Variants in SYT9 observed in about 807,000 individuals in gnomAD.
The protein encoded by SYT9 is synaptotagmin-9.
Under a neutral mutation model 48.4 loss-of-function variants are expected in SYT9, and 22 were observed. That is an observed-to-expected ratio of 0.45 (90% CI 0.32 to 0.65). SYT9 has a LOEUF of 0.65. SYT9 is among the 30% of genes least tolerant of loss of function. SYT9 has a pLI of 0.03. For synonymous variants in SYT9, 265 were observed against 245.0 expected (o/e 1.08, Z -0.76); for missense variants, 577 against 622.0 (o/e 0.93, Z 0.77).
intron 1 of SYT9, among the ~76,000 whole-genome samples, chr11:7,285,467 A>G (rs964070599): frequency 6.6e-6 from 1 of 152,184 alleles, no homozygotes; most frequent in African/African-American, 2.4e-5. Context: ...AGTCCCTCCC[A>G]TGACACATGG....
chr11:7,349,382 A>AACACACACAT (rs1554910614), intron 3 of SYT9, among the ~76,000 whole-genome samples: 1 of 148,160 alleles, frequency 6.7e-6, no homozygotes, highest in Non-Finnish European at 1.5e-5. Context: ...AAAATATACA[A>AACACACACAT]ACACACACAC....
intron 6 of SYT9, among the ~76,000 whole-genome samples, chr11:7,433,244 G>A (rs1302710038): frequency 6.6e-6 from 1 of 152,140 alleles, no homozygotes; most frequent in East Asian, 1.9e-4. Flanking sequence ...CATGCTTCCT[G>A]TATAGCCTGC....
chr11:7,281,821 C>G (rs79714630), intron 1 of SYT9, among the ~76,000 whole-genome samples: 145 of 152,276 alleles, frequency 9.5e-4, no homozygotes, highest in Non-Finnish European at 1.9e-3. Context: ...ATTATTTTCT[C>G]TCTTCCTGTT....
chr11:7,324,653 T>C (rs1849396031), intron 3 of SYT9, among the ~76,000 whole-genome samples: 1 of 151,980 alleles, frequency 6.6e-6, no homozygotes, highest in Non-Finnish European at 1.5e-5. Flanking sequence ...CTTTGGTCTA[T>C]ATATTGTTTA....
In SYT9 at chr11:7,445,774, G is replaced by A. The variant is rs116502247; in HGVS notation, c.1468-21018G>A. Among the ~76,000 whole-genome samples the A allele has an allele frequency of 9.2e-3, 1,406 of 152,284 alleles. 20 individuals carry two copies. The highest frequency in any genetic ancestry group is 0.032 in the African/African-American group (1,338 of 41,550). On this transcript the variant is annotated intron_variant, in intron 6 of 6. Coordinates refer to ENST00000318881, the MANE Select transcript of SYT9 (RefSeq NM_175733.4). ...GGGAGGCAATTTTTCTAATAGACAG[G>A]AGTCTTGGGCTGAATCCTCTTCAGA...
chr11:7,280,018 T>G (rs1244896545), intron 1 of SYT9, among the ~76,000 whole-genome samples: 1 of 152,248 alleles, frequency 6.6e-6, no homozygotes, highest in Non-Finnish European at 1.5e-5. Context: ...CACAATTCCT[T>G]GAGAAACTCA....
At chr11:7,359,901 G>A (rs1356169931) in intron 3 of SYT9, among the ~76,000 whole-genome samples, 2 of 151,980 alleles carry the variant, frequency 1.3e-5, no homozygotes, top group Non-Finnish European at 2.9e-5. Flanking sequence ...ATTGCTTTTG[G>A]TGTTTTAGAC....
rs1318436246 is a variant in SYT9 at position 7,246,391 on chromosome 11, G to C, written c.49+7475G>C. ...GACCTGGAAGGCTTCCTGAGTCACA[G>C]GGGACTTCCTCTGTCATGCTTTCTG... On this transcript the variant is annotated intron_variant and NMD_transcript_variant, in intron 1 of 8. Transcript: ENST00000524820. Among the ~76,000 whole-genome samples the C allele has an allele frequency of 2.0e-5, 3 of 152,178 alleles. 1 individual carries two copies. The highest frequency in any genetic ancestry group is 4.1e-4 in the South Asian group (2 of 4,826).
In SYT9 at chr11:7,466,883, CA is replaced by C; in HGVS notation, c.*85del. The C allele has an allele frequency of 9.2e-6, 14 of 1,529,128 alleles. No individual in the cohort carries two copies. The highest frequency in any genetic ancestry group is 1.3e-5 in the Non-Finnish European group (14 of 1,112,548). 94.7% of individuals were successfully genotyped at this position (1,529,128 alleles called of 1,614,324 possible). On this transcript the variant is annotated 3_prime_UTR_variant, in exon 7 of 7. Transcript: ENST00000318881. ...ATCTTAAGTAACTTTTTCCATCCAGCAACATCCAGACGATTTCAGTGACCAA... is the reference window on the plus strand; with the variant it reads ...ATCTTAAGTAACTTTTTCCATCCAGCACATCCAGACGATTTCAGTGACCAA...
At chr11:7,366,020 C>T (rs12274010) in intron 3 of SYT9, among the ~76,000 whole-genome samples, 2,387 of 152,292 alleles carry the variant, frequency 0.016, 72 homozygotes, top group African/African-American at 0.055. Flanking sequence ...GCTTTGGTTA[C>T]TTACCCTTCA....
At chr11:7,464,808 C>T (rs757827831) in intron 6 of SYT9, among the ~76,000 whole-genome samples, 72 of 151,950 alleles carry the variant, frequency 4.7e-4, no homozygotes, top group South Asian at 4.2e-4. Context: ...CGGGGCCAGG[C>T]GCGGTGGCTC....
intron 3 of SYT9, among the ~76,000 whole-genome samples, chr11:7,354,228 C>T (rs1033941968): frequency 3.3e-5 from 5 of 152,154 alleles, no homozygotes; most frequent in Admixed American, 3.3e-4. Context: ...TCTAAGCTAC[C>T]CCCTTGTCTC....
intron 1 of SYT9, among the ~76,000 whole-genome samples, chr11:7,286,207 G>A (rs1848592510): frequency 6.6e-6 from 1 of 152,238 alleles, no homozygotes; most frequent in Non-Finnish European, 1.5e-5. Context: ...ACTTCTGCCT[G>A]GACATGCAGA....
intron 1 of SYT9, among the ~76,000 whole-genome samples, chr11:7,239,538 A>G (rs1482147595): frequency 1.3e-5 from 2 of 152,216 alleles, no homozygotes; most frequent in Non-Finnish European, 2.9e-5. Flanking sequence ...GGATCCGGGA[A>G]AAAAGTCATA....
At chr11:7,385,158 T>C (rs1237084370) in intron 3 of SYT9, among the ~76,000 whole-genome samples, 1 of 152,150 alleles carries the variant, frequency 6.6e-6, no homozygotes, top group Non-Finnish European at 1.5e-5. Context: ...TTTATTTTGC[T>C]CATTGTCTGT....
At chr11:7,451,391 C>T (rs987824790) in intron 6 of SYT9, among the ~76,000 whole-genome samples, 5 of 152,190 alleles carry the variant, frequency 3.3e-5, no homozygotes, top group African/African-American at 9.7e-5. Context: ...TTTTACTCCC[C>T]CAAAGCAGAA....
intron 1 of SYT9, among the ~76,000 whole-genome samples, chr11:7,253,839 C>T (rs1045539240): frequency 6.6e-6 from 1 of 152,194 alleles, no homozygotes; most frequent in Admixed American, 6.5e-5. Context: ...GGAAGTTCGT[C>T]CTTAAGCAGC....
chr11:7,339,060 G>A (rs1190569656), intron 3 of SYT9, among the ~76,000 whole-genome samples: 1 of 152,050 alleles, frequency 6.6e-6, no homozygotes, highest in Non-Finnish European at 1.5e-5. Flanking sequence ...GAATAATTAG[G>A]TCTTGTTAAA....
At chr11:7,318,906 A>C (rs924400606) in intron 3 of SYT9, among the ~76,000 whole-genome samples, 3 of 152,188 alleles carry the variant, frequency 2.0e-5, no homozygotes, top group Non-Finnish European at 4.4e-5. Context: ...TTCTGTGCTC[A>C]TGAGTGATGC....
Sources: allele counts gnomAD v4.1 joint callset (sites outside exome capture counted in the v4.1 genomes callset), GRCh38; gene constraint gnomAD v4.1.1; transcripts MANE v1.5; gene names NCBI Gene and HGNC (gene_info 2026-07-23, HGNC 2026-07-21).